MYO15B: variants seen among roughly 807,000 people sequenced by gnomAD.
MYO15B encodes myosin XVB pseudogene.
In MYO15B, 207 loss-of-function variants were observed where a neutral mutation model predicts 119.3. That is an observed-to-expected ratio of 1.73 (90% CI 1.55 to 1.95). The LOEUF (loss-of-function observed/expected upper bound fraction) is 1.95, where lower values mean the gene tolerates loss of function less well. Among genes scored for constraint, MYO15B ranks in the 30% most tolerant of loss-of-function variants. The pLI is 0.00. For missense variants in MYO15B, 2,264 were observed against 1,203.1 expected (o/e 1.88, Z -13.04); for synonymous variants, 966 against 498.9 (o/e 1.94, Z -12.48).
At position 75,591,339 on chromosome 17, in the gene MYO15B, T is replaced by C. The variant is rs1361157517; in HGVS notation, c.2435+93T>C. The C allele has an allele frequency of 1.5e-5, 10 of 665,048 alleles. No homozygotes were observed. In the East Asian group the frequency reaches 2.4e-4, roughly 16 times the overall value. The allele number at this position is 665,048 out of a possible 1,614,324, so 41.2% of individuals were successfully genotyped here. ...AGGTCTTCACTGGAAGCCACTGGTATGCTCCACTGCTGGGCTACAGTTCTG... is the reference window on the plus strand; with the variant it reads ...AGGTCTTCACTGGAAGCCACTGGTACGCTCCACTGCTGGGCTACAGTTCTG... On this transcript the variant is annotated intron_variant, in intron 4 of 63. Coordinates refer to ENST00000645453, the Ensembl canonical transcript of MYO15B.
chr17:75,612,108 G>A (rs1322710507), intron 25 of MYO15B, 92 bp downstream of exon 25: 1 of 662,652 alleles, frequency 1.5e-6, no homozygotes, highest in Non-Finnish European at 2.8e-6. Context: ...CCCGCTGTCA[G>A]CTCTTGCCCT....
chr17:75,588,033 G>A (rs940662404), exon 1 of MYO15B: 8 of 398,352 alleles, frequency 2.0e-5, no homozygotes, highest in Non-Finnish European at 2.2e-5. Flanking sequence ...TGGGCGTCGG[G>A]AAGCCCGTCT....
chr17:75,592,278 G>C, exon 7 of MYO15B: 1 of 702,842 alleles, frequency 1.4e-6, no homozygotes. Flanking sequence ...TTATCTACTT[G>C]AGACCTCCAG....
intron 9 of MYO15B, among the ~76,000 whole-genome samples, chr17:75,593,471 GCCTGGATGTGGTGGCACAT>G (rs1044673395): frequency 2.6e-5 from 4 of 152,022 alleles, no homozygotes; most frequent in African/African-American, 9.7e-5. Context: ...GGTGACACGT[GCCTGGATGTGGTGGCACAT>G]CCCAGCTACT....
chr17:75,588,798 C>A (rs1289284057), exon 1 of MYO15B: 1 of 398,426 alleles, frequency 2.5e-6, no homozygotes, highest in Non-Finnish European at 4.4e-6. Context: ...CGCTGGGGAC[C>A]GGACCTGGAC....
At position 75,617,916 on chromosome 17, in the gene MYO15B, C is replaced by T. The variant is rs1409583202; in HGVS notation, c.6921C>T (p.Arg2307=). The T allele has an allele frequency of 1.3e-5, 9 of 702,794 alleles. No individual in the cohort carries two copies. In the East Asian group the frequency reaches 1.6e-4, roughly 13 times the overall value. 43.5% of individuals were successfully genotyped at this position (702,794 alleles called of 1,614,324 possible). The change falls in exon 42 of 64, where the codon CGC becomes CGT. Residue 2307 remains arginine, a synonymous_variant. Transcript: ENST00000645453. ...GCACGCCCTGGAAGTTGTTCCTACG[C>T]AAGGAGGTGGGCATGAGGGTGGGGC...
intron 8 of MYO15B, 47 bp downstream of exon 8, chr17:75,592,588 G>A: frequency 1.6e-6 from 1 of 624,460 alleles, no homozygotes. Flanking sequence ...CCCAGAGGAG[G>A]ATCTCGGCCC....
Position 75,611,771 on chromosome 17 carries a change from T to A in MYO15B, c.4504+113T>A, listed in dbSNP as rs912301367. On this transcript the variant is annotated intron_variant, in intron 24 of 63. Coordinates refer to ENST00000645453, the Ensembl canonical transcript of MYO15B. ...GATGCTCCAGACTCCCCTGAGCTCA[T>A]CACTTGGGTCCCTGTGGACAGGGGC... is the stretch of plus-strand genomic sequence containing the variant. 1.0e-5 allele frequency: 7 copies of A among 693,584 alleles called. No homozygotes were observed. In the African/African-American group the frequency reaches 1.2e-4, roughly 12 times the overall value. 43.0% of individuals were successfully genotyped at this position (693,584 alleles called of 1,614,324 possible). A position where few individuals can be genotyped will look rare whatever the true frequency, so the allele number is the denominator to read the frequency against.
At chr17:75,613,627 A>G (rs1338689589) in intron 28 of MYO15B, 78 bp from the exon 29 acceptor site, 6 of 674,802 alleles carry the variant, frequency 8.9e-6, no homozygotes, top group Non-Finnish European at 1.6e-5. Context: ...TGAAACTCTC[A>G]TGGGGACAGC....
At chr17:75,599,632 C>T (rs12942832) in intron 14 of MYO15B, among the ~76,000 whole-genome samples, 88,564 of 151,188 alleles carry the variant, frequency 0.59, 27,646 homozygotes, top group East Asian at 0.77. Flanking sequence ...GTAGGCCGGG[C>T]GCGGTGGCTC....
intron 6 of MYO15B, 28 bp from the exon 7 acceptor site, chr17:75,592,210 C>T (rs1484821883): frequency 1.0e-5 from 7 of 702,284 alleles, no homozygotes; most frequent in Non-Finnish European, 1.6e-5. Flanking sequence ...GCATCCTGGG[C>T]ACTCACACCC....
In MYO15B at chr17:75,601,452, C is replaced by T. The variant is rs1183786492; in HGVS notation, c.3540C>T (p.Thr1180=). The change falls in exon 15 of 64, where the codon ACC becomes ACT. Residue 1180 remains threonine, a synonymous_variant. Transcript: ENST00000645453. ...TCCTCTCCTAGGCCACGGACCACAC[C>T]TTCCTCCAGAAGAGCCACTATCACC... 1.4e-5 allele frequency: 10 copies of T among 703,086 alleles called. No individual in the cohort carries two copies. The East Asian group carries it at 2.1e-4, about 15-fold the overall frequency. 43.6% of individuals were successfully genotyped at this position (703,086 alleles called of 1,614,324 possible).
At chr17:75,617,660 G>A (rs1426098632) in intron 41 of MYO15B, 150 bp from the exon 42 acceptor site, 4 of 593,522 alleles carry the variant, frequency 6.7e-6, no homozygotes, top group African/African-American at 1.9e-5. Context: ...GGAGGCAGGA[G>A]ATGGTGCCAT....
At position 75,589,818 on chromosome 17, in the gene MYO15B, G is replaced by T. The variant is rs2056323265; in HGVS notation, c.1761G>T (p.Glu587Asp). ...GTGCAGGGGTGGGGGGGCACAGTGA[G>T]GGGTGCAGGACGAGTGGGGAAGGGG... is the stretch of plus-strand genomic sequence containing the variant. The change falls in exon 1 of 64, where the codon GAG becomes GAT. Residue 587 changes from glutamate (E) to aspartate (D), a missense_variant. Physicochemically the swap from Glu to Asp is conservative, Grantham distance 45. Transcript: ENST00000645453. This position sits in a 1 kb window ranked among gnomAD's most constrained non-coding sequence, Gnocchi z 4.2. The T allele has an allele frequency of 7.5e-6, 3 of 398,590 alleles. No individual in the cohort carries two copies. The highest frequency in any genetic ancestry group is 8.8e-5 in the Admixed American group (2 of 22,740). The allele number at this position is 398,590 out of a possible 1,614,324, so 24.7% of individuals were successfully genotyped here. A position where few individuals can be genotyped will look rare whatever the true frequency, so the allele number is the denominator to read the frequency against.
At chr17:75,594,780 GAGTC>G (rs1598723659) in intron 11 of MYO15B, 21 bp downstream of exon 11, 1 of 703,022 alleles carries the variant, frequency 1.4e-6, no homozygotes, top group South Asian at 1.5e-5. Flanking sequence ...AGACGGGTGA[GAGTC>G]AGAGCAGGGC....
At chr17:75,610,738 G>T (rs861041) in intron 22 of MYO15B, 162 bp from the exon 23 acceptor site, 12,017 of 620,816 alleles carry the variant, frequency 0.019, 148 homozygotes, top group Middle Eastern at 0.048. Flanking sequence ...GCTGGTGAGG[G>T]CCCTGGAGGG....
intron 12 of MYO15B, among the ~76,000 whole-genome samples, chr17:75,596,224 G>C (rs1284873491): frequency 6.6e-6 from 1 of 152,212 alleles, no homozygotes; most frequent in East Asian, 1.9e-4. Context: ...AGGCCCAAAG[G>C]CTCGCAGGAG....
intron 12 of MYO15B, among the ~76,000 whole-genome samples, chr17:75,595,940 CCAGTG>C (rs2056830971): frequency 6.6e-6 from 1 of 152,230 alleles, no homozygotes; most frequent in African/African-American, 2.4e-5. Context: ...GTCCCACAAT[CCAGTG>C]TGTCCTTGTG....
intron 16 of MYO15B, 77 bp downstream of exon 16, chr17:75,602,671 C>T (rs2057361169): frequency 3.3e-6 from 2 of 611,920 alleles, no homozygotes; most frequent in South Asian, 3.9e-5. Flanking sequence ...CCTGGGCGCT[C>T]TTGCCCAAGG....
Sources: gnomAD v4.1 joint callset for allele counts (sites outside exome capture counted in the v4.1 genomes callset) on GRCh38, gnomAD v4.1.1 for gene constraint, Gnocchi (gnomAD v3.1) non-coding constraint, MANE v1.5 for transcripts, NCBI Gene and HGNC (gene_info 2026-07-23, HGNC 2026-07-21) for gene names.